The following ACACB variants were observed in gnomAD, a reference collection of about 807,000 sequenced individuals.
The protein encoded by ACACB is acetyl-CoA carboxylase 2.
A neutral mutation model predicts 278.8 loss-of-function variants in ACACB; 209 were observed. The observed-to-expected ratio is 0.75, with a 90% CI of 0.67 to 0.84. The LOEUF is 0.84. ACACB is among the 40% of genes least tolerant of loss of function. The probability of loss-of-function intolerance (pLI) is 0.00; values close to 1 mark genes in which losing one functional copy is unlikely to be tolerated. For missense variants in ACACB, 2,850 were observed against 3,269.0 expected, an observed-to-expected ratio of 0.87 and a Z score of 3.13; for synonymous variants, 1,174 against 1,285.6, an observed-to-expected ratio of 0.91 and a Z score of 1.86.
chr12:109,180,547 G>C (rs994847760), intron 11 of ACACB, among the ~76,000 whole-genome samples: 17 of 152,092 alleles, frequency 1.1e-4, no homozygotes, highest in African/African-American at 3.6e-4. Context: ...TAACCTCTTG[G>C]GTTAAAGGGA....
intron 33 of ACACB, 33 bp downstream of exon 33, chr12:109,235,680 C>T: frequency 6.3e-7 from 1 of 1,586,922 alleles, no homozygotes; most frequent in Non-Finnish European, 8.6e-7. Context: ...TTTCTCTTCT[C>T]TAGCATCTTG....
chr12:109,178,124 C>G (rs2044337986), intron 9 of ACACB, among the ~76,000 whole-genome samples: 1 of 152,186 alleles, frequency 6.6e-6, no homozygotes, highest in African/African-American at 2.4e-5. Context: ...GTGGGGGGCT[C>G]TTTTCAGCAC....
intron 1 of ACACB, among the ~76,000 whole-genome samples, chr12:109,119,589 C>CAA (rs11360249): frequency 3.7e-4 from 45 of 120,506 alleles, no homozygotes; most frequent in African/African-American, 1.2e-3. Context: ...GACTCTGTCT[C>CAA]AAAAAAAAAA....
At chr12:109,258,730 G>A (rs996724883) in intron 46 of ACACB, among the ~76,000 whole-genome samples, 1 of 152,142 alleles carries the variant, frequency 6.6e-6, no homozygotes, top group Non-Finnish European at 1.5e-5. Context: ...TGACCTTGAC[G>A]AGCTTGGCAC....
chr12:109,145,262 C>G lies in ACACB; in HGVS notation c.653+5204C>G, dbSNP rs527936688. 1.1e-4 allele frequency among the ~76,000 whole-genome samples: 17 copies of G among 152,272 alleles called. No individual in the cohort carries two copies. In the South Asian group the frequency reaches 3.5e-3, roughly 32 times the overall value. On this transcript the variant is annotated intron_variant, in intron 2 of 52. Transcript: ENST00000338432. ...TTTGGTTTGGTCTGTAGGGGCTAAG[C>G]ACAGGAGCTCAGCTCAAAATCATGG...
chr12:109,255,815 G>A (rs1217216821), intron 44 of ACACB, among the ~76,000 whole-genome samples: 1 of 152,214 alleles, frequency 6.6e-6, no homozygotes. Flanking sequence ...GGAGGTGTCT[G>A]TCCACTCTCT....
intron 2 of ACACB, among the ~76,000 whole-genome samples, chr12:109,153,199 G>A (rs2043425839): frequency 6.6e-6 from 1 of 151,666 alleles, no homozygotes; most frequent in Non-Finnish European, 1.5e-5. Context: ...ATGTTGGCCA[G>A]GCTGGTCTTG....
At chr12:109,196,743 G>A (rs553143674) in intron 16 of ACACB, among the ~76,000 whole-genome samples, 62 of 152,352 alleles carry the variant, frequency 4.1e-4, no homozygotes, top group African/African-American at 1.4e-3. Flanking sequence ...AGGACATGCA[G>A]TTGCCAACAC....
chr12:109,172,142 G>C, intron 5 of ACACB, 133 bp from the exon 6 acceptor site: 1 of 908,578 alleles, frequency 1.1e-6, no homozygotes, highest in Non-Finnish European at 1.7e-6. Flanking sequence ...GGCTGGTCTC[G>C]AACTCCTGGG....
intron 1 of ACACB, among the ~76,000 whole-genome samples, chr12:109,119,958 A>G (rs1555267565): frequency 4.6e-5 from 7 of 152,170 alleles, no homozygotes. Context: ...TAAGCTCCAT[A>G]TTTTTAAATT....
chr12:109,222,780 C>G lies in ACACB; in HGVS notation c.3679-19C>G. On this transcript the variant is annotated intron_variant, in intron 25 of 52. Coordinates refer to ENST00000338432, the MANE Select transcript of ACACB (RefSeq NM_001093.4). ...TGGGAGGTTGGCTCACGCCAGCGCC[C>G]CCATCCCTCCCCCTGCAGATCCTGA... is the stretch of plus-strand genomic sequence containing the variant. The G allele has an allele frequency of 6.2e-7, 1 of 1,601,660 alleles. No individual in the cohort carries two copies. Among genetic ancestry groups the G allele is most frequent in the South Asian group, 1.1e-5 (1 of 90,760 alleles).
intron 1 of ACACB, among the ~76,000 whole-genome samples, chr12:109,132,970 G>A (rs554933179): frequency 3.3e-5 from 5 of 152,152 alleles, no homozygotes; most frequent in East Asian, 1.9e-4. Flanking sequence ...ATCACCTGCC[G>A]TGCGTGTGTC....
At chr12:109,114,793 A>G (rs1302140808), upstream of ACACB, among the ~76,000 whole-genome samples, 1 of 152,058 alleles carries the variant, frequency 6.6e-6, no homozygotes, top group Non-Finnish European at 1.5e-5. Flanking sequence ...TCGAGGCTGC[A>G]GTGAGCTATG....
intron 24 of ACACB, among the ~76,000 whole-genome samples, chr12:109,222,294 C>CAAGTGAGTGAGTGAGTGAGT (rs1555225864): frequency 9.3e-5 from 14 of 150,862 alleles, no homozygotes; most frequent in African/African-American, 3.4e-4. Flanking sequence ...AATGGGTGGC[C>CAAGTGAGTGAGTGAGTGAGT]GAGTGAGTGA....
chr12:109,209,578 T>C (rs2045621308), intron 21 of ACACB, among the ~76,000 whole-genome samples: 1 of 152,054 alleles, frequency 6.6e-6, no homozygotes, highest in African/African-American at 2.4e-5. Context: ...TTAGGCCTCA[T>C]TGCCTAAAAC....
At chr12:109,111,838 T>A (rs1188438250), upstream of ACACB, among the ~76,000 whole-genome samples, 1 of 151,958 alleles carries the variant, frequency 6.6e-6, no homozygotes, top group Admixed American at 6.6e-5. Flanking sequence ...GAGACCAGAG[T>A]TTGCTTGAAA....
At position 109,149,719 on chromosome 12, in the gene ACACB, C is replaced by T. The variant is rs138556898; in HGVS notation, c.653+9661C>T. On this transcript the variant is annotated intron_variant, in intron 2 of 52. Coordinates refer to ENST00000338432, the MANE Select transcript of ACACB (RefSeq NM_001093.4). Reference sequence around the variant, plus strand: ...GAAGTCAAGGTTTGTCCCATCCATTCGTTGGCCCAGGAGCAGTTATTGCAA... The same window carrying T: ...GAAGTCAAGGTTTGTCCCATCCATTTGTTGGCCCAGGAGCAGTTATTGCAA... Among the ~76,000 whole-genome samples, 447 of 152,292 alleles carry T rather than the reference C, an allele frequency of 2.9e-3. 3 individuals carry two copies. The highest frequency in any genetic ancestry group is 0.01 in the African/African-American group (416 of 41,560).
intron 26 of ACACB, among the ~76,000 whole-genome samples, chr12:109,223,235 C>T (rs1420074369): frequency 2.6e-5 from 4 of 152,184 alleles, no homozygotes; most frequent in Admixed American, 2.0e-4. Flanking sequence ...GTCGCGGCCT[C>T]ATCTTCCCTA....
intron 16 of ACACB, 29 bp from the exon 17 acceptor site, chr12:109,196,979 A>T: frequency 1.3e-6 from 2 of 1,523,162 alleles, no homozygotes; most frequent in Non-Finnish European, 1.7e-6. Flanking sequence ...TCCTGAACCC[A>T]GGCGGTGACA....
Sources: allele counts gnomAD v4.1 joint callset (sites outside exome capture counted in the v4.1 genomes callset), GRCh38; gene constraint gnomAD v4.1.1; transcripts MANE v1.5; gene names NCBI Gene and HGNC (gene_info 2026-07-23, HGNC 2026-07-21).